Variants in AKAP19 observed in about 807,000 individuals in gnomAD.
The protein encoded by AKAP19 is small A-kinase anchoring protein.
the AKAP19 span, among the ~76,000 whole-genome samples, chr2:190,166,620 G>GA: frequency 6.6e-6 from 1 of 151,984 alleles, no homozygotes; most frequent in African/African-American, 2.4e-5. Flanking sequence ...TTTAGCACTT[G>GA]AAAATCTATA....
chr2:190,083,747 C>G, the AKAP19 span, among the ~76,000 whole-genome samples: 1 of 152,146 alleles, frequency 6.6e-6, no homozygotes, highest in African/African-American at 2.4e-5. Flanking sequence ...CAAGAAGCTT[C>G]AAGAGGTGAT....
the AKAP19 span, among the ~76,000 whole-genome samples, chr2:189,997,334 C>T: frequency 1.1e-4 from 16 of 152,224 alleles, no homozygotes; most frequent in East Asian, 2.9e-3. Flanking sequence ...ATGGATGGGG[C>T]CGTAAAGCTC....
the AKAP19 span, chr2:190,062,110 A>T: frequency 9.2e-7 from 1 of 1,088,756 alleles, no homozygotes; most frequent in Non-Finnish European, 1.3e-6. Context: ...TTTCCTTTCT[A>T]CTTACATACA....
chr2:189,911,231 AG>A, the AKAP19 span, among the ~76,000 whole-genome samples: 1 of 152,146 alleles, frequency 6.6e-6, no homozygotes, highest in Non-Finnish European at 1.5e-5. Context: ...GGACACAAAA[AG>A]CTGAGATGTG....
chr2:190,115,521 G>A, the AKAP19 span, among the ~76,000 whole-genome samples: 1,825 of 144,990 alleles, frequency 0.013, 21 homozygotes, highest in Middle Eastern at 0.021. Context: ...GGGTTTCACC[G>A]TTTTAGCTGG....
At chr2:190,093,523 T>C in the AKAP19 span, among the ~76,000 whole-genome samples, 1 of 152,334 alleles carries the variant, frequency 6.6e-6, no homozygotes, top group Non-Finnish European at 1.5e-5. Flanking sequence ...GGGTGACTTA[T>C]AGCAGAAGTA....
the AKAP19 span, among the ~76,000 whole-genome samples, chr2:190,002,288 T>C: frequency 6.6e-6 from 1 of 152,232 alleles, no homozygotes; most frequent in Non-Finnish European, 1.5e-5. Flanking sequence ...TTGCTTTGCT[T>C]GTTATCTTGT....
the AKAP19 span, among the ~76,000 whole-genome samples, chr2:189,919,408 T>C: frequency 6.6e-6 from 1 of 152,120 alleles, no homozygotes; most frequent in East Asian, 1.9e-4. Context: ...TGTGAATTTT[T>C]ACATCCTTTT....
the AKAP19 span, among the ~76,000 whole-genome samples, chr2:190,074,803 C>G: frequency 6.6e-6 from 1 of 152,004 alleles, no homozygotes; most frequent in Non-Finnish European, 1.5e-5. Context: ...CATGTGGATC[C>G]CTGACCACTA....
At chr2:190,199,207 A>G in the AKAP19 span, among the ~76,000 whole-genome samples, 4 of 152,174 alleles carry the variant, frequency 2.6e-5, no homozygotes, top group African/African-American at 7.2e-5. Context: ...ATCAGGACTC[A>G]GCAAACATTT....
the AKAP19 span, among the ~76,000 whole-genome samples, chr2:190,119,793 T>A: frequency 6.6e-6 from 1 of 151,902 alleles, no homozygotes; most frequent in Non-Finnish European, 1.5e-5. Flanking sequence ...AAAACAGATA[T>A]TTGAAAGAAA....
the AKAP19 span, chr2:190,199,948 C>T: frequency 6.2e-7 from 1 of 1,614,054 alleles, no homozygotes; most frequent in Non-Finnish European, 8.5e-7. Context: ...ACCCTTTATG[C>T]CAGAAGAGAG....
the AKAP19 span, among the ~76,000 whole-genome samples, chr2:189,943,775 G>A: frequency 1.3e-5 from 2 of 152,230 alleles, no homozygotes; most frequent in Non-Finnish European, 2.9e-5. Context: ...TGCCTTGGAT[G>A]TGGGATATGG....
the AKAP19 span, among the ~76,000 whole-genome samples, chr2:190,152,650 T>C: frequency 6.6e-6 from 1 of 152,244 alleles, no homozygotes; most frequent in Non-Finnish European, 1.5e-5. Context: ...ATAATTGGTT[T>C]GTCTAGTTCC....
At chr2:189,977,803 A>G in the AKAP19 span, among the ~76,000 whole-genome samples, 9 of 152,246 alleles carry the variant, frequency 5.9e-5, no homozygotes, top group Non-Finnish European at 1.2e-4. Flanking sequence ...ATGGAAACAC[A>G]TACACATATT....
the AKAP19 span, among the ~76,000 whole-genome samples, chr2:190,001,251 C>T: frequency 6.6e-6 from 1 of 151,640 alleles, no homozygotes; most frequent in Non-Finnish European, 1.5e-5. Context: ...ACATGGTTTC[C>T]CTTGGTTTGG....
the AKAP19 span, chr2:190,150,491 C>G: frequency 6.6e-6 from 1 of 152,224 alleles, no homozygotes; most frequent in Non-Finnish European, 1.5e-5. Context: ...TTCAGCCTCT[C>G]CAGTGGGAGG....
the AKAP19 span, among the ~76,000 whole-genome samples, chr2:190,012,653 A>G: frequency 6.6e-6 from 1 of 152,236 alleles, no homozygotes; most frequent in Admixed American, 6.5e-5. Context: ...AATATTGAAT[A>G]GAAATGATGG....
At chr2:189,958,176 C>T in the AKAP19 span, among the ~76,000 whole-genome samples, 1 of 152,062 alleles carries the variant, frequency 6.6e-6, no homozygotes, top group Non-Finnish European at 1.5e-5. Context: ...AAAATTCTTA[C>T]CTATAAGTTA....
Sources: gnomAD v4.1 joint callset for allele counts (sites outside exome capture counted in the v4.1 genomes callset) on GRCh38, gnomAD v4.1.1 for gene constraint, MANE v1.5 for transcripts, NCBI Gene and HGNC (gene_info 2026-07-23, HGNC 2026-07-21) for gene names.